NFKB1: variants seen among roughly 807,000 people sequenced by gnomAD.
NFKB1 encodes the protein nuclear factor kappa B subunit 1.
A neutral mutation model predicts 105.1 loss-of-function variants in NFKB1; 9 were observed. That is an observed-to-expected ratio of 0.09 (90% CI 0.05 to 0.15). The LOEUF is 0.15. Ranked by LOEUF, NFKB1 falls within the 10% of genes least tolerant of loss-of-function variation. The pLI, the probability that NFKB1 is intolerant of heterozygous loss-of-function variation, is 1.00. For synonymous variants in NFKB1, 440 were observed against 442.2 expected (o/e 1.00, Z 0.06); for missense variants, 830 against 1,203.7 (o/e 0.69, Z 4.59).
chr4:102,588,325 A>C (rs1725881218), intron 11 of NFKB1, among the ~76,000 whole-genome samples: 1 of 152,160 alleles, frequency 6.6e-6, no homozygotes, highest in Admixed American at 6.5e-5. Flanking sequence ...TATGGTCATC[A>C]ACATTGTACT....
At chr4:102,538,753 C>T (rs1741802287) in intron 5 of NFKB1, among the ~76,000 whole-genome samples, 1 of 152,158 alleles carries the variant, frequency 6.6e-6, no homozygotes, top group South Asian at 2.1e-4. Context: ...CAGATAAACG[C>T]AGTCAACAAT....
intron 12 of NFKB1, among the ~76,000 whole-genome samples, chr4:102,594,342 T>C (rs1305981187): frequency 6.6e-6 from 1 of 152,220 alleles, no homozygotes; most frequent in Non-Finnish European, 1.5e-5. Context: ...TTTTCACTTA[T>C]TCCAGATTAC....
At chr4:102,564,731 A>T (rs934236777) in intron 5 of NFKB1, among the ~76,000 whole-genome samples, 1 of 152,230 alleles carries the variant, frequency 6.6e-6, no homozygotes, top group East Asian at 1.9e-4. Context: ...TGAAGAGCCC[A>T]GTTATCTGAC....
At chr4:102,566,257 C>T (rs1723858573) in intron 5 of NFKB1, among the ~76,000 whole-genome samples, 1 of 152,106 alleles carries the variant, frequency 6.6e-6, no homozygotes, top group African/African-American at 2.4e-5. Context: ...AAATAAATTA[C>T]TTTAAATAGA....
At chr4:102,541,650 C>T (rs1158604462) in intron 5 of NFKB1, among the ~76,000 whole-genome samples, 1 of 152,058 alleles carries the variant, frequency 6.6e-6, no homozygotes, top group Non-Finnish European at 1.5e-5. Context: ...AGGCAGAGGC[C>T]TCGTGGAGGG....
intron 6 of NFKB1, among the ~76,000 whole-genome samples, chr4:102,575,508 TTCAC>T (rs1223143026): frequency 6.6e-6 from 1 of 152,182 alleles, no homozygotes; most frequent in East Asian, 1.9e-4. Flanking sequence ...CTCTGAATTC[TTCAC>T]TTACTTCTGA....
intron 4 of NFKB1, 116 bp from the exon 5 acceptor site, chr4:102,537,742 T>C: frequency 1.8e-6 from 1 of 563,160 alleles, no homozygotes; most frequent in Non-Finnish European, 3.2e-6. Flanking sequence ...CACAGTTTCA[T>C]GTTTTTCTTC....
intron 1 of NFKB1, among the ~76,000 whole-genome samples, chr4:102,509,191 C>T (rs753845934): frequency 1.3e-5 from 2 of 152,144 alleles, no homozygotes; most frequent in African/African-American, 4.8e-5. Context: ...CATATCATAG[C>T]GTTAATTTGA....
chr4:102,502,298 T>C (rs1003967673), intron 1 of NFKB1: 2 of 152,066 alleles, frequency 1.3e-5, no homozygotes, highest in African/African-American at 4.8e-5. Context: ...TAGGAGAGTC[T>C]ATTCATCCCT....
At chr4:102,597,235 G>A (rs1726692210) in intron 14 of NFKB1, among the ~76,000 whole-genome samples, 1 of 152,178 alleles carries the variant, frequency 6.6e-6, no homozygotes, top group African/African-American at 2.4e-5. Flanking sequence ...TAAAATAACA[G>A]ATAATGGTCG....
intron 8 of NFKB1, among the ~76,000 whole-genome samples, chr4:102,579,326 A>G (rs984280321): frequency 3.9e-5 from 6 of 152,136 alleles, no homozygotes; most frequent in East Asian, 1.9e-4. Context: ...ATGTCTTGCT[A>G]TAAAGATATA....
chr4:102,542,555 C>T (rs116698557), intron 5 of NFKB1, among the ~76,000 whole-genome samples: 1,775 of 152,196 alleles, frequency 0.012, 22 homozygotes, highest in Non-Finnish European at 0.019. Context: ...ACAGCTAAAA[C>T]CCCACTTATC....
chr4:102,561,279 T>G (rs374272185), intron 5 of NFKB1, among the ~76,000 whole-genome samples: 30,306 of 130,516 alleles, frequency 0.23, 3,335 homozygotes, highest in African/African-American at 0.27. Context: ...TTTTTTTTTT[T>G]TTTGTGTGTG....
intron 1 of NFKB1, among the ~76,000 whole-genome samples, chr4:102,509,799 A>G (rs1378283976): frequency 6.6e-6 from 1 of 152,042 alleles, no homozygotes; most frequent in Non-Finnish European, 1.5e-5. Context: ...TCCAGAATCC[A>G]TCCCTTCCTC....
intron 1 of NFKB1, among the ~76,000 whole-genome samples, chr4:102,507,539 T>C (rs936906893): frequency 6.6e-6 from 1 of 152,090 alleles, no homozygotes; most frequent in Non-Finnish European, 1.5e-5. Flanking sequence ...TGACCTCAAG[T>C]GATCCACCCG....
chr4:102,610,739 G>T, intron 20 of NFKB1, 40 bp downstream of exon 20: 2 of 1,608,200 alleles, frequency 1.2e-6, no homozygotes, highest in Non-Finnish European at 1.7e-6. Flanking sequence ...GCCCCTGAGG[G>T]AGTCAGAGGT....
chr4:102,604,006 G>A (rs1256517905), intron 16 of NFKB1, among the ~76,000 whole-genome samples: 1 of 152,070 alleles, frequency 6.6e-6, no homozygotes, highest in African/African-American at 2.4e-5. Flanking sequence ...AACATTATTG[G>A]AGGGTTTTAT....
intron 5 of NFKB1, among the ~76,000 whole-genome samples, chr4:102,565,677 C>G (rs915776526): frequency 7.9e-5 from 12 of 152,040 alleles, no homozygotes; most frequent in African/African-American, 2.9e-4. Context: ...CTCCCTCCCT[C>G]TCTCCCTCCC....
At chr4:102,591,437 A>AAAAG (rs1726166299) in intron 11 of NFKB1, among the ~76,000 whole-genome samples, 1 of 151,180 alleles carries the variant, frequency 6.6e-6, no homozygotes, top group Non-Finnish European at 1.5e-5. Context: ...AAAAAAAAAA[A>AAAAG]GGCAGACTTT....
Sources: allele counts gnomAD v4.1 joint callset (sites outside exome capture counted in the v4.1 genomes callset), GRCh38; gene constraint gnomAD v4.1.1; transcripts MANE v1.5; gene names NCBI Gene and HGNC (gene_info 2026-07-23, HGNC 2026-07-21).